The following TP53BP1 variants were observed in gnomAD, a reference collection of about 807,000 sequenced individuals.
TP53BP1 encodes the protein tumor protein p53 binding protein 1.
A neutral mutation model predicts 200.8 loss-of-function variants in TP53BP1; 61 were observed. The ratio of observed to expected loss-of-function variants is 0.30; its 90% CI spans 0.25 to 0.38. TP53BP1 has a LOEUF of 0.38. Ranked by LOEUF, TP53BP1 falls within the 10% of genes least tolerant of loss-of-function variation. The pLI is 1.00. For synonymous variants in TP53BP1, 822 were observed against 844.3 expected (o/e 0.97, Z 0.46); for missense variants, 2,144 against 2,371.9 (o/e 0.90, Z 2.00).
At chr15:43,476,132 G>T (rs1411694250) in intron 8 of TP53BP1, among the ~76,000 whole-genome samples, 1 of 152,188 alleles carries the variant, frequency 6.6e-6, no homozygotes, top group African/African-American at 2.4e-5. Flanking sequence ...GGGCGTGGTG[G>T]TATGCGCCTG....
Position 43,407,573 on chromosome 15 carries a change from G to A in TP53BP1, c.5747-3C>T. The A allele has an allele frequency of 6.2e-7, 1 of 1,608,946 alleles. No homozygotes were observed. The highest frequency in any genetic ancestry group is 8.5e-7 in the Non-Finnish European group (1 of 1,176,528). On this transcript the variant is annotated splice_polypyrimidine_tract_variant and splice_region_variant and intron_variant, in intron 27 of 27. Coordinates refer to ENST00000382044, the MANE Select transcript of TP53BP1 (RefSeq NM_001141980.3). ...ATCAAATACCCCTAAAGCAATATCT[G>A]CAAGGAGCAAGGGAAAGTGAAGAAG...
In TP53BP1 at chr15:43,406,607, A is replaced by T. The variant is rs1381417034; in HGVS notation, c.*776T>A. 2.2e-6 allele frequency: 1 copy of T among 455,904 alleles called. No homozygotes were observed. Among genetic ancestry groups the T allele is most frequent in the African/African-American group, 2.0e-5 (1 of 50,062 alleles). 28.2% of individuals were successfully genotyped at this position (455,904 alleles called of 1,614,324 possible). A position where few individuals can be genotyped will look rare whatever the true frequency, so the allele number is the denominator to read the frequency against. On this transcript the variant is annotated 3_prime_UTR_variant, in exon 28 of 28. Coordinates refer to ENST00000382044, the MANE Select transcript of TP53BP1 (RefSeq NM_001141980.3). ...ACTCTTTGACCCTTTACAGAAAAAAACCTTGTTGACCCCTGCTTTAGAGAA... is the reference window on the plus strand; with the variant it reads ...ACTCTTTGACCCTTTACAGAAAAAATCCTTGTTGACCCCTGCTTTAGAGAA...
chr15:43,409,162 A>G (rs2045028831), intron 25 of TP53BP1, 66 bp from the exon 26 acceptor site: 2 of 1,468,766 alleles, frequency 1.4e-6, no homozygotes, highest in South Asian at 1.2e-5. Context: ...AGCAGCAGCC[A>G]TAATGAGCCA....
intron 11 of TP53BP1, among the ~76,000 whole-genome samples, chr15:43,468,893 T>C (rs529981462): frequency 6.6e-6 from 1 of 152,330 alleles, no homozygotes; most frequent in East Asian, 1.9e-4. Context: ...ATGAACTGCA[T>C]AAAATGAAAT....
intron 8 of TP53BP1, among the ~76,000 whole-genome samples, chr15:43,477,125 C>A (rs771084590): frequency 6.6e-6 from 1 of 151,892 alleles, no homozygotes; most frequent in South Asian, 2.1e-4. Flanking sequence ...ACAGTGAAAC[C>A]CCATCTCTAC....
chr15:43,492,519 C>T, intron 1 of TP53BP1, 51 bp from the exon 2 acceptor site: 1 of 1,515,610 alleles, frequency 6.6e-7, no homozygotes, highest in East Asian at 2.3e-5. Flanking sequence ...TAGCCTTGCT[C>T]ACGCAGTCTA....
In TP53BP1 at chr15:43,413,294, A is replaced by T; in HGVS notation, c.5130T>A (p.Ser1710Arg). ...GAGEFVSPCE[S>R]GDNTGEPSAL... is the part of the protein sequence containing the mutation. ...CAGAGGGTTCACCGGTGTTGTCTCC[A>T]CTCTCACAGGGGCTCACAAACTCTC... The change falls in exon 24 of 28, where the codon AGT becomes AGA. Residue 1710 changes from serine to arginine, a missense_variant. Physicochemically the swap from Ser to Arg is moderately radical, Grantham distance 110. Coordinates refer to ENST00000382044, the MANE Select transcript of TP53BP1 (RefSeq NM_001141980.3). The T allele has an allele frequency of 6.2e-7, 1 of 1,614,040 alleles. No individual in the cohort carries two copies. Among genetic ancestry groups the T allele is most frequent in the African/African-American group, 1.3e-5 (1 of 74,996 alleles).
At chr15:43,475,815 C>G in intron 8 of TP53BP1, 121 bp from the exon 9 acceptor site, 3 of 1,249,492 alleles carry the variant, frequency 2.4e-6, no homozygotes, top group Non-Finnish European at 3.3e-6. Context: ...TCCAAAAGGG[C>G]AGAAATTGTT....
At position 43,428,040 on chromosome 15, in the gene TP53BP1, T is replaced by C. The variant is rs373571891; in HGVS notation, c.3804A>G (p.Thr1268=). The change falls in exon 18 of 28, where the codon ACA becomes ACG. Residue 1268 remains threonine (T), a synonymous_variant. Transcript: ENST00000382044. ...CCTCAGTTACTTTTCTTTCTACTTC[T>C]GTTCCATCCACATAATACACATCTG... ...VITDVYYVDG[T]EVERKVTEET... 12 of 1,611,766 alleles carry C rather than the reference T, an allele frequency of 7.4e-6. No individual in the cohort carries two copies. The South Asian group carries it at 1.1e-4, about 15-fold the overall frequency.
In TP53BP1 at chr15:43,471,696, G is replaced by A. The variant is rs2046729602; in HGVS notation, c.1181-1630C>T. Among the ~76,000 whole-genome samples, 3 of 152,130 alleles carry A rather than the reference G, an allele frequency of 2.0e-5. No individual in the cohort carries two copies. In the South Asian group the frequency reaches 6.2e-4, roughly 32 times the overall value. On this transcript the variant is annotated intron_variant, in intron 10 of 27. Coordinates refer to ENST00000382044, the MANE Select transcript of TP53BP1 (RefSeq NM_001141980.3). ...GCCCACCTTGGCCTCCCAAAGTATT[G>A]GGATTACAGGTGTGAGACACCGTGC...
chr15:43,411,397 T>C (rs766593344), intron 24 of TP53BP1, among the ~76,000 whole-genome samples: 1 of 152,232 alleles, frequency 6.6e-6, no homozygotes, highest in Non-Finnish European at 1.5e-5. Context: ...CCAACAAGAT[T>C]AGGTACCAAA....
intron 16 of TP53BP1, 32 bp downstream of exon 16, chr15:43,438,292 A>T: frequency 6.3e-7 from 1 of 1,586,244 alleles, no homozygotes; most frequent in Non-Finnish European, 8.6e-7. Flanking sequence ...GAACCAATGG[A>T]GCCCAAAAGA....
At chr15:43,466,641 G>C (rs564309496) in intron 11 of TP53BP1, among the ~76,000 whole-genome samples, 1 of 152,270 alleles carries the variant, frequency 6.6e-6, no homozygotes, top group East Asian at 1.9e-4. Flanking sequence ...AGGTCTGCTT[G>C]AGCCCAGTAG....
At position 43,403,714 on chromosome 15, in the gene TP53BP1, T is replaced by A. The variant is rs767532327; in HGVS notation, c.*3669A>T. On this transcript the variant is annotated 3_prime_UTR_variant, in exon 28 of 28. Coordinates refer to ENST00000382044, the MANE Select transcript of TP53BP1 (RefSeq NM_001141980.3). The stretch of plus-strand genomic sequence containing the variant: ...CACTGCCTGAATGAAATCCTAGATC[T>A]CTGTCACAGTTTTTGTTCGCTGGTC... The A allele has an allele frequency of 6.2e-7, 1 of 1,613,282 alleles. No homozygotes were observed.
chr15:43,506,242 T>C (rs1225369252), intron 1 of TP53BP1, among the ~76,000 whole-genome samples: 1 of 152,216 alleles, frequency 6.6e-6, no homozygotes, highest in East Asian at 1.9e-4. Context: ...TGATTTTTCA[T>C]GGGGACAACT....
At chr15:43,442,770 G>C (rs1412275387) in intron 14 of TP53BP1, among the ~76,000 whole-genome samples, 13 of 148,492 alleles carry the variant, frequency 8.8e-5, no homozygotes, top group Non-Finnish European at 5.9e-5. Context: ...AGTGTGCTGG[G>C]ATTACACATA....
At chr15:43,430,465 C>G (rs190253972) in intron 17 of TP53BP1, among the ~76,000 whole-genome samples, 1 of 152,284 alleles carries the variant, frequency 6.6e-6, no homozygotes, top group Non-Finnish European at 1.5e-5. Flanking sequence ...ACACAATGCT[C>G]ATATCCCATA....
chr15:43,475,755 A>G, intron 8 of TP53BP1, 61 bp from the exon 9 acceptor site: 1 of 1,589,154 alleles, frequency 6.3e-7, no homozygotes, highest in Non-Finnish European at 8.6e-7. Context: ...GCCAAAAACC[A>G]TTCAGTACTG....
rs188341663 is a variant in TP53BP1 at position 43,423,366 on chromosome 15, C to T, written c.3829-1240G>A. ...TCCTTCCCTCAAAGAGTTTAGAATTCCTTTTGGGAGGCCAGGCATGGTGGC... is the reference window on the plus strand; with the variant it reads ...TCCTTCCCTCAAAGAGTTTAGAATTTCTTTTGGGAGGCCAGGCATGGTGGC... On this transcript the variant is annotated intron_variant, in intron 18 of 27. Transcript: ENST00000382044. 6.2e-4 allele frequency among the ~76,000 whole-genome samples: 93 copies of T among 151,064 alleles called. 1 individual carries two copies. The highest frequency in any genetic ancestry group is 9.2e-4 in the Non-Finnish European group (62 of 67,696).
Sources: gnomAD v4.1 joint callset for allele counts (sites outside exome capture counted in the v4.1 genomes callset) on GRCh38, gnomAD v4.1.1 for gene constraint, MANE v1.5 for transcripts, NCBI Gene and HGNC (gene_info 2026-07-23, HGNC 2026-07-21) for gene names.